The following KIAA0513 variants were observed in gnomAD, a reference collection of about 807,000 sequenced individuals.
KIAA0513 encodes the protein KIAA0513.
Under a neutral mutation model 56.5 loss-of-function variants are expected in KIAA0513, and 39 were observed. That is an observed-to-expected ratio of 0.69 (90% confidence interval 0.53 to 0.90). The LOEUF is 0.90. Among genes scored for constraint, KIAA0513 ranks in the 40% least tolerant of loss-of-function variants. The pLI, the probability that KIAA0513 is intolerant of heterozygous loss-of-function variation, is 0.00. For synonymous variants in KIAA0513, 268 were observed against 215.6 expected (o/e 1.24, Z -2.13); for missense variants, 591 against 535.2 (o/e 1.10, Z -1.03).
chr16:85,058,975 G>A (rs986129727), intron 1 of KIAA0513, among the ~76,000 whole-genome samples: 3 of 152,144 alleles, frequency 2.0e-5, no homozygotes, highest in Admixed American at 6.5e-5. Context: ...CCACCGTCTC[G>A]TAGTTGCTCT....
At position 85,077,463 on chromosome 16, in the gene KIAA0513, C is replaced by T. The variant is rs772300873; in HGVS notation, c.613C>T (p.Pro205Ser). 6.2e-7 allele frequency: 1 copy of T among 1,614,028 alleles called. No homozygotes were observed. The highest frequency in any genetic ancestry group is 1.1e-5 in the South Asian group (1 of 91,084). Reference sequence around the variant, plus strand: ...GCTGCCCCCGGAGTCCCGGGAGAAGCCCGCGGGCAGCATCGACTCCTACCT... The same window carrying T: ...GCTGCCCCCGGAGTCCCGGGAGAAGTCCGCGGGCAGCATCGACTCCTACCT... Reference protein sequence around the residue: ...QLLPPESREKPAGSIDSYLKS... With the variant: ...QLLPPESREKSAGSIDSYLKS... Residue 205 changes from proline (P) to serine (S), a missense_variant, in exon 6 of 13, where the codon CCC (proline) becomes TCC (serine). Coordinates refer to ENST00000683363, the MANE Select transcript of KIAA0513 (RefSeq NM_001388359.1).
intron 7 of KIAA0513, 79 bp downstream of exon 7, chr16:85,078,534 G>C: frequency 2.1e-6 from 3 of 1,406,468 alleles, no homozygotes; most frequent in Non-Finnish European, 3.0e-6. Context: ...CACGGCCTCT[G>C]GGGCTTTCCT....
intron 9 of KIAA0513, 138 bp from the exon 10 acceptor site, chr16:85,082,426 C>A (rs576790029): frequency 7.4e-5 from 58 of 786,376 alleles, no homozygotes; most frequent in Admixed American, 9.6e-5. Context: ...GAATTTATTT[C>A]GAATATTCCT....
intron 3 of KIAA0513, 31 bp from the exon 4 acceptor site, chr16:85,072,894 C>A (rs7184546): frequency 2.0e-5 from 33 of 1,610,480 alleles, no homozygotes; most frequent in Non-Finnish European, 2.3e-5. Context: ...CGCCCTGAAC[C>A]TCAATGATGT....
rs1044734355 is a variant in KIAA0513 at position 85,087,264 on chromosome 16, C to T, written c.1186+98C>T. 3.1e-5 allele frequency: 30 copies of T among 966,460 alleles called. No homozygotes were observed. In the African/African-American group the frequency reaches 3.7e-4, roughly 12 times the overall value. 59.9% of individuals were successfully genotyped at this position (966,460 alleles called of 1,614,324 possible). ...GCTTCTGCACTGCCAGAAGGCATGT[C>T]GTGTTGCAGTCGGAAACGTGGTGCT... On this transcript the variant is annotated intron_variant, in intron 12 of 12. Coordinates refer to ENST00000683363, the MANE Select transcript of KIAA0513 (RefSeq NM_001388359.1).
intron 1 of KIAA0513, among the ~76,000 whole-genome samples, chr16:85,040,861 T>C (rs2073096174): frequency 6.6e-6 from 1 of 152,196 alleles, no homozygotes; most frequent in African/African-American, 2.4e-5. Context: ...TCAATACACT[T>C]AAAGCAGTCC....
At chr16:85,075,724 C>T in intron 4 of KIAA0513, 120 bp from the exon 5 acceptor site, 1 of 810,210 alleles carries the variant, frequency 1.2e-6, no homozygotes, top group South Asian at 1.5e-5. Flanking sequence ...TTTTGTGCAT[C>T]TCCAGTGGGG....
intron 10 of KIAA0513, among the ~76,000 whole-genome samples, chr16:85,085,440 C>T (rs1211291257): frequency 6.6e-6 from 1 of 152,244 alleles, no homozygotes; most frequent in African/African-American, 2.4e-5. Context: ...TGATCCCAAC[C>T]TCTCACCCTC....
chr16:85,053,950 C>G (rs1018467519), intron 1 of KIAA0513, among the ~76,000 whole-genome samples: 1 of 149,510 alleles, frequency 6.7e-6, no homozygotes, highest in Non-Finnish European at 1.5e-5. Context: ...TGAGATCATG[C>G]CACTGCACTC....
intron 1 of KIAA0513, among the ~76,000 whole-genome samples, chr16:85,059,790 A>G (rs1267797074): frequency 7.9e-5 from 12 of 152,180 alleles, no homozygotes; most frequent in African/African-American, 2.7e-4. Context: ...TCGAGCTGGG[A>G]GGACCATAAC....
Position 85,088,390 on chromosome 16 carries a change from G to A in KIAA0513, c.*65G>A, listed in dbSNP as rs530346007. Reference sequence around the variant, plus strand: ...TGCCATTCTCCCGGGCCCAGCGCCCGGCCGTCACCCCACCCGATGACCTGC... The same window carrying A: ...TGCCATTCTCCCGGGCCCAGCGCCCAGCCGTCACCCCACCCGATGACCTGC... On this transcript the variant is annotated 3_prime_UTR_variant, in exon 13 of 13. Transcript: ENST00000683363. 484 of 1,437,260 alleles carry A rather than the reference G, an allele frequency of 3.4e-4. 4 individuals carry two copies. The East Asian group carries it at 7.7e-3, about 23-fold the overall frequency. The allele number at this position is 1,437,260 out of a possible 1,614,324, so 89.0% of individuals were successfully genotyped here. A position where few individuals can be genotyped will look rare whatever the true frequency, so the allele number is the denominator to read the frequency against.
At chr16:85,062,937 C>G (rs1024584330) in intron 1 of KIAA0513, among the ~76,000 whole-genome samples, 2 of 152,120 alleles carry the variant, frequency 1.3e-5, no homozygotes, top group Non-Finnish European at 2.9e-5. Context: ...GGGGTTGCTT[C>G]CCTTGCCATG....
Position 85,088,294 on chromosome 16 carries a change from G to A in KIAA0513, c.1205G>A (p.Ser402Asn), listed in dbSNP as rs751460743. 1.9e-6 allele frequency: 3 copies of A among 1,612,524 alleles called. No individual in the cohort carries two copies. The South Asian group carries it at 3.3e-5, about 18-fold the overall frequency. Residue 402 changes from serine to asparagine, a missense_variant, in exon 13 of 13, where the codon AGT (serine) becomes AAT (asparagine). Coordinates refer to ENST00000683363, the MANE Select transcript of KIAA0513 (RefSeq NM_001388359.1). Reference protein sequence around the residue: ...NLDEEQYKLLSDHIEQMATE With the variant: ...NLDEEQYKLLNDHIEQMATE ...CTTCCAGAGCAATACAAGCTGCTTA[G>A]TGACCACATTGAGCAAATGGCCACT... is the stretch of plus-strand genomic sequence containing the variant.
chr16:85,073,382 T>G (rs906532144), intron 4 of KIAA0513, among the ~76,000 whole-genome samples: 1 of 152,318 alleles, frequency 6.6e-6, no homozygotes, highest in Non-Finnish European at 1.5e-5. Context: ...ATATAAACAC[T>G]TAATGATATG....
At chr16:85,078,566 C>G (rs375166320) in intron 7 of KIAA0513, 111 bp downstream of exon 7, 2 of 1,054,336 alleles carry the variant, frequency 1.9e-6, no homozygotes, top group East Asian at 2.6e-5. Flanking sequence ...GCATGGGCAC[C>G]TTGCCCTGGG....
chr16:85,082,501 A>G (rs2073757669), intron 9 of KIAA0513, 63 bp from the exon 10 acceptor site: 1 of 1,540,466 alleles, frequency 6.5e-7, no homozygotes, highest in Non-Finnish European at 9.0e-7. Flanking sequence ...TCTTTTTACC[A>G]TCCACATATC....
At chr16:85,028,395 G>A (rs2072918191) in intron 1 of KIAA0513, among the ~76,000 whole-genome samples, 1 of 152,194 alleles carries the variant, frequency 6.6e-6, no homozygotes, top group South Asian at 2.1e-4. Flanking sequence ...GGGTGGGGGT[G>A]AGAGAAAGGG....
chr16:85,031,438 T>G (rs1311897424), intron 1 of KIAA0513, among the ~76,000 whole-genome samples: 11 of 152,158 alleles, frequency 7.2e-5, no homozygotes, highest in African/African-American at 2.7e-4. Flanking sequence ...GAGCTAAGAA[T>G]GTACCACTGC....
intron 10 of KIAA0513, among the ~76,000 whole-genome samples, chr16:85,084,163 G>A (rs1265771155): frequency 2.0e-5 from 3 of 149,922 alleles, no homozygotes; most frequent in Non-Finnish European, 4.4e-5. Flanking sequence ...CTGGGTTCAA[G>A]CGATTCTCCT....
Sources: allele counts gnomAD v4.1 joint callset (sites outside exome capture counted in the v4.1 genomes callset), GRCh38; gene constraint gnomAD v4.1.1; transcripts MANE v1.5; gene names NCBI Gene and HGNC (gene_info 2026-07-23, HGNC 2026-07-21).